SMARCC1: variants seen among roughly 807,000 people sequenced by gnomAD.
SMARCC1 encodes SWI/SNF related BAF chromatin remodeling complex subunit C1.
Under a neutral mutation model 147.4 loss-of-function variants are expected in SMARCC1, and 43 were observed. The ratio of observed to expected loss-of-function variants is 0.29; its 90% CI spans 0.23 to 0.38. SMARCC1 has a LOEUF of 0.38. SMARCC1 is among the 10% of genes least tolerant of loss of function. SMARCC1 has a pLI of 1.00. For synonymous variants in SMARCC1, 495 were observed against 484.4 expected, an observed-to-expected ratio of 1.02 and a Z score of -0.29; for missense variants, 1,119 against 1,381.1, an observed-to-expected ratio of 0.81 and a Z score of 3.01.
At chr3:47,763,787 T>A (rs1436903263) in intron 2 of SMARCC1, among the ~76,000 whole-genome samples, 1 of 152,018 alleles carries the variant, frequency 6.6e-6, no homozygotes, top group African/African-American at 2.4e-5. Context: ...GGCATGATTA[T>A]AGCCCACTGC....
chr3:47,760,136 A>G (rs978479386), intron 2 of SMARCC1, among the ~76,000 whole-genome samples: 1 of 152,094 alleles, frequency 6.6e-6, no homozygotes, highest in Non-Finnish European at 1.5e-5. Context: ...TAACATGGTG[A>G]AACCCCATCT....
intron 2 of SMARCC1, among the ~76,000 whole-genome samples, chr3:47,748,995 C>A (rs1038848009): frequency 6.6e-6 from 1 of 151,380 alleles, no homozygotes; most frequent in African/African-American, 2.4e-5. Flanking sequence ...CATAGTGAGA[C>A]CTCATCTGTT....
At chr3:47,627,327 G>A (rs1359803505) in intron 24 of SMARCC1, among the ~76,000 whole-genome samples, 1 of 151,884 alleles carries the variant, frequency 6.6e-6, no homozygotes, top group African/African-American at 2.4e-5. Context: ...TAGTCATGAG[G>A]AAATAGAAAG....
At chr3:47,602,769 A>G (rs188922830) in intron 26 of SMARCC1, among the ~76,000 whole-genome samples, 1 of 152,002 alleles carries the variant, frequency 6.6e-6, no homozygotes, top group East Asian at 1.9e-4. Flanking sequence ...TTTCACACAT[A>G]GAGTACACAC....
chr3:47,738,732 T>C (rs2034474546), intron 3 of SMARCC1, among the ~76,000 whole-genome samples: 1 of 152,186 alleles, frequency 6.6e-6, no homozygotes, highest in Admixed American at 6.6e-5. Flanking sequence ...TGTGTTCTCT[T>C]AGATAAAGGA....
chr3:47,661,077 A>G (rs1209003604), intron 21 of SMARCC1, among the ~76,000 whole-genome samples: 2 of 152,228 alleles, frequency 1.3e-5, no homozygotes, highest in Non-Finnish European at 2.9e-5. Context: ...CAGATAATTC[A>G]CAACTGTAAT....
intron 26 of SMARCC1, among the ~76,000 whole-genome samples, chr3:47,597,507 T>A (rs2032309784): frequency 6.6e-6 from 1 of 152,082 alleles, no homozygotes; most frequent in Non-Finnish European, 1.5e-5. Context: ...TTTGTATTTT[T>A]AGTAGAGATG....
At chr3:47,689,344 C>T in intron 13 of SMARCC1, 43 bp downstream of exon 13, 1 of 1,521,340 alleles carries the variant, frequency 6.6e-7, no homozygotes. Context: ...TACACAGGAC[C>T]CTTAGAGAAG....
chr3:47,683,430 T>C lies in SMARCC1; in HGVS notation c.1385+2619A>G, dbSNP rs144631096. On this transcript the variant is annotated intron_variant, in intron 14 of 27. Coordinates refer to ENST00000254480, the MANE Select transcript of SMARCC1 (RefSeq NM_003074.4). ...TCAGACAAAAATAAGGCATATCAAGTGGATCACTGACTATATTCTTTTAAA... is the reference window on the plus strand; with the variant it reads ...TCAGACAAAAATAAGGCATATCAAGCGGATCACTGACTATATTCTTTTAAA... 4.2e-3 allele frequency among the ~76,000 whole-genome samples: 644 copies of C among 152,320 alleles called. 7 individuals carry two copies. The highest frequency in any genetic ancestry group is 0.015 in the African/African-American group (621 of 41,574).
At chr3:47,777,983 A>T (rs1281852864) in intron 1 of SMARCC1, among the ~76,000 whole-genome samples, 1 of 151,370 alleles carries the variant, frequency 6.6e-6, no homozygotes, top group Non-Finnish European at 1.5e-5. Context: ...AGGCTGGCGG[A>T]TCACCTGAGG....
chr3:47,781,430 C>T (rs1318789112), intron 1 of SMARCC1, among the ~76,000 whole-genome samples, 173 bp downstream of exon 1: 1 of 152,194 alleles, frequency 6.6e-6, no homozygotes, highest in East Asian at 1.9e-4. Context: ...CCAGTCAGGC[C>T]CCGGGATCGC....
Position 47,670,538 on chromosome 3 carries a change from C to G in SMARCC1, c.1899+120G>C, listed in dbSNP as rs892419099. On this transcript the variant is annotated intron_variant, in intron 19 of 27. Coordinates refer to ENST00000254480, the MANE Select transcript of SMARCC1 (RefSeq NM_003074.4). ...GGTAGAGGCTGCACTGAGCTACCATCAGGCCACTGCACTCCAGCCTGGGTG... is the reference window on the plus strand; with the variant it reads ...GGTAGAGGCTGCACTGAGCTACCATGAGGCCACTGCACTCCAGCCTGGGTG... 3.9e-5 allele frequency: 28 copies of G among 709,274 alleles called. No homozygotes were observed. In the South Asian group the frequency reaches 4.4e-4, roughly 11 times the overall value. 43.9% of individuals were successfully genotyped at this position (709,274 alleles called of 1,614,324 possible). A position where few individuals can be genotyped will look rare whatever the true frequency, so the allele number is the denominator to read the frequency against.
At chr3:47,652,091 T>TCCTGAGTAGCTAGGACTACAGGTTTGCA (rs2033197238) in intron 21 of SMARCC1, among the ~76,000 whole-genome samples, 1 of 152,200 alleles carries the variant, frequency 6.6e-6, no homozygotes, top group Admixed American at 6.5e-5. Flanking sequence ...CACCTTGTCT[T>TCCTGAGTAGCTAGGACTACAGGTTTGCA]CCTGAGTAGC....
intron 2 of SMARCC1, among the ~76,000 whole-genome samples, chr3:47,763,003 T>A (rs1257170952): frequency 6.6e-6 from 1 of 151,072 alleles, no homozygotes; most frequent in African/African-American, 2.4e-5. Context: ...GAGGCGGAGG[T>A]TGCAGTGAGC....
chr3:47,722,975 A>G (rs1173583674), intron 6 of SMARCC1, among the ~76,000 whole-genome samples: 1 of 152,218 alleles, frequency 6.6e-6, no homozygotes, highest in Non-Finnish European at 1.5e-5. Context: ...AATAATTGCA[A>G]GAAACACTGG....
At chr3:47,715,173 T>C (rs2034141163) in intron 7 of SMARCC1, among the ~76,000 whole-genome samples, 1 of 152,180 alleles carries the variant, frequency 6.6e-6, no homozygotes, top group South Asian at 2.1e-4. Flanking sequence ...TTCATTCCTA[T>C]AACTCCAAAT....
intron 26 of SMARCC1, among the ~76,000 whole-genome samples, chr3:47,595,382 C>T (rs542824020): frequency 6.1e-4 from 93 of 151,944 alleles, no homozygotes; most frequent in African/African-American, 1.8e-3. Flanking sequence ...AAAAAATTAG[C>T]GAGATGCGGT....
intron 21 of SMARCC1, among the ~76,000 whole-genome samples, 184 bp downstream of exon 21, chr3:47,661,110 T>C (rs1187314097): frequency 3.3e-5 from 5 of 152,172 alleles, no homozygotes; most frequent in Non-Finnish European, 5.9e-5. Flanking sequence ...TACAAGATAA[T>C]TTTTTAGTTC....
chr3:47,593,346 A>C (rs1287611918), intron 26 of SMARCC1, among the ~76,000 whole-genome samples: 1 of 151,032 alleles, frequency 6.6e-6, no homozygotes, highest in Non-Finnish European at 1.5e-5. Context: ...TAATTTTTGC[A>C]TTTTCTGTAG....
Sources: allele counts gnomAD v4.1 joint callset (sites outside exome capture counted in the v4.1 genomes callset), GRCh38; gene constraint gnomAD v4.1.1; transcripts MANE v1.5; gene names NCBI Gene and HGNC (gene_info 2026-07-23, HGNC 2026-07-21).